Variants in DPP8 observed in about 807,000 individuals in gnomAD.
The protein encoded by DPP8 is dipeptidyl peptidase 8.
In DPP8, 31 loss-of-function variants were observed where a neutral mutation model predicts 107.5. The observed-to-expected ratio is 0.29, with a 90% confidence interval of 0.22 to 0.39. The LOEUF (loss-of-function observed/expected upper bound fraction) is 0.39, where lower values mean the gene tolerates loss of function less well. Ranked by LOEUF, DPP8 falls within the 10% of genes least tolerant of loss-of-function variation. The pLI, the probability that DPP8 is intolerant of heterozygous loss-of-function variation, is 1.00. For missense variants in DPP8, 842 were observed against 1,076.1 expected, an observed-to-expected ratio of 0.78 and a Z score of 3.04; for synonymous variants, 381 against 356.6, an observed-to-expected ratio of 1.07 and a Z score of -0.77.
chr15:65,487,131 T>C (rs2067518440), intron 7 of DPP8, among the ~76,000 whole-genome samples: 1 of 152,098 alleles, frequency 6.6e-6, no homozygotes, highest in Non-Finnish European at 1.5e-5. Flanking sequence ...TAAAAATCTG[T>C]ATTTGCTAGC....
chr15:65,469,798 T>C (rs932042420), intron 12 of DPP8, among the ~76,000 whole-genome samples: 2 of 151,878 alleles, frequency 1.3e-5, no homozygotes, highest in African/African-American at 2.4e-5. Flanking sequence ...ATCGTACCAC[T>C]GCACTCCAGC....
intron 2 of DPP8, among the ~76,000 whole-genome samples, chr15:65,511,405 T>TA (rs2070748556): frequency 6.6e-6 from 1 of 151,848 alleles, no homozygotes; most frequent in African/African-American, 2.4e-5. Context: ...GGCACAATTA[T>TA]ATAATGGAAT....
At chr15:65,454,549 T>G (rs540718279) in intron 16 of DPP8, 134 bp from the exon 17 acceptor site, 45 of 766,958 alleles carry the variant, frequency 5.9e-5, no homozygotes, top group Admixed American at 1.2e-4. Context: ...TTTTTTGAGA[T>G]GGAGTCTCAC....
chr15:65,478,326 T>C (rs918834670), intron 11 of DPP8, among the ~76,000 whole-genome samples: 7 of 152,248 alleles, frequency 4.6e-5, no homozygotes, highest in Admixed American at 3.3e-4. Context: ...TGGCGTGATC[T>C]TGGCTCACTG....
rs746154372 is a variant in DPP8 at position 65,480,325 on chromosome 15, G to A, written c.1193C>T (p.Pro398Leu). ...CCTTTCCATAACATCATCTTCTACTGGGATAAATAATTCAGGTGAGATCAA... is the reference window on the plus strand; with the variant it reads ...CCTTTCCATAACATCATCTTCTACTAGGATAAATAATTCAGGTGAGATCAA... ...IVLISPELFI[P>L]VEDDVMERQR... The change falls in exon 10 of 20, where the codon CCA becomes CTA. Residue 398 changes from proline to leucine, a missense_variant. By Grantham distance (98) the Pro-to-Leu change is moderately conservative (BLOSUM62 -3). Transcript: ENST00000300141. The A allele has an allele frequency of 1.5e-5, 24 of 1,612,224 alleles. No homozygotes were observed. The highest frequency in any genetic ancestry group is 1.9e-5 in the Non-Finnish European group (22 of 1,179,290).
intron 15 of DPP8, 38 bp downstream of exon 15, chr15:65,463,723 A>T: frequency 6.5e-7 from 1 of 1,527,040 alleles, no homozygotes; most frequent in Non-Finnish European, 9.0e-7. Context: ...ATACATATGC[A>T]TATGGGTGTA....
chr15:65,492,508 T>C (rs907508404), intron 5 of DPP8, among the ~76,000 whole-genome samples: 1 of 152,214 alleles, frequency 6.6e-6, no homozygotes, highest in Non-Finnish European at 1.5e-5. Flanking sequence ...ACTATCAAAG[T>C]ATGAAAGTTC....
intron 12 of DPP8, among the ~76,000 whole-genome samples, chr15:65,468,331 C>CA (rs938988367): frequency 4.0e-5 from 6 of 151,850 alleles, no homozygotes; most frequent in African/African-American, 9.7e-5. Flanking sequence ...CCCATTTCTA[C>CA]AAAAAATGAA....
Position 65,487,835 on chromosome 15 carries a change from A to G in DPP8, c.827-17T>C. ...CACTGGGAGCTTAAAAGAAATTTAA[A>G]TATTGAAAATTTAGAAGAATTATTC... On this transcript the variant is annotated splice_polypyrimidine_tract_variant and intron_variant, in intron 6 of 19. Transcript: ENST00000300141. 6.8e-7 allele frequency: 1 copy of G among 1,478,770 alleles called. No homozygotes were observed. The highest frequency in any genetic ancestry group is 9.3e-7 in the Non-Finnish European group (1 of 1,075,628). 91.6% of individuals were successfully genotyped at this position (1,478,770 alleles called of 1,614,324 possible).
chr15:65,480,782 A>G (rs2066853143), intron 9 of DPP8, among the ~76,000 whole-genome samples: 1 of 152,160 alleles, frequency 6.6e-6, no homozygotes, highest in Non-Finnish European at 1.5e-5. Flanking sequence ...TGGGTGACAC[A>G]GAGAGAGACC....
intron 10 of DPP8, 108 bp downstream of exon 10, chr15:65,480,114 G>C (rs2066777913): frequency 2.3e-6 from 2 of 867,042 alleles, no homozygotes; most frequent in East Asian, 5.3e-5. Context: ...GAAATAACAT[G>C]GTCCCTTTAA....
chr15:65,480,973 C>T (rs965038660), intron 9 of DPP8, among the ~76,000 whole-genome samples: 6 of 151,954 alleles, frequency 3.9e-5, no homozygotes, highest in East Asian at 3.9e-4. Context: ...GGCATGTCCC[C>T]GTAGTCCCAG....
chr15:65,472,493 G>A (rs2065977113), intron 12 of DPP8, among the ~76,000 whole-genome samples: 1 of 151,446 alleles, frequency 6.6e-6, no homozygotes, highest in African/African-American at 2.4e-5. Flanking sequence ...CAGAGACAGG[G>A]TCTTATATGT....
At chr15:65,456,196 T>TA (rs778608305) in intron 16 of DPP8, 29 bp downstream of exon 16, 4 of 1,598,110 alleles carry the variant, frequency 2.5e-6, no homozygotes, top group Non-Finnish European at 3.4e-6. Context: ...TAAATGTCTG[T>TA]AAAAGAAAAG....
intron 6 of DPP8, among the ~76,000 whole-genome samples, chr15:65,488,603 CAAAAAA>C (rs1166493197): frequency 6.6e-5 from 3 of 45,276 alleles, no homozygotes; most frequent in Admixed American, 3.2e-4. Context: ...GACCCTGCCT[CAAAAAA>C]AAAAAAAAAA....
chr15:65,489,413 C>CTTTTTT lies in DPP8; in HGVS notation c.826+770_826+775dup, dbSNP rs71924792. On this transcript the variant is annotated intron_variant, in intron 6 of 19. Transcript: ENST00000300141. ...CTTCATTATGATGAAATATAATCTA[C>CTTTTTT]TTTTTTTTTTTTTTTTTTGAGACAG... 7.4e-3 allele frequency among the ~76,000 whole-genome samples: 768 copies of CTTTTTT among 104,180 alleles called. 90 individuals are homozygous for CTTTTTT. The highest frequency in any genetic ancestry group is 0.018 in the African/African-American group (472 of 26,308). The allele number at this position is 104,180 out of a possible 152,430, so 68.3% of individuals were successfully genotyped here.
intron 15 of DPP8, among the ~76,000 whole-genome samples, chr15:65,459,187 T>C (rs2064705874): frequency 1.3e-5 from 2 of 151,266 alleles, no homozygotes; most frequent in African/African-American, 4.9e-5. Context: ...TTCTGTTTCT[T>C]CTCTTTTGAC....
intron 8 of DPP8, among the ~76,000 whole-genome samples, chr15:65,482,913 G>A (rs368710742): frequency 2.2e-4 from 33 of 151,440 alleles, no homozygotes; most frequent in South Asian, 1.3e-3. Context: ...TGGCTAACAC[G>A]GTGAAACCCT....
rs574197591 is a variant in DPP8, at chr15:65,480,633, A to T, written c.1119-234T>A. On this transcript the variant is annotated intron_variant, in intron 9 of 19. Transcript: ENST00000300141. ...TTTCCAAAACCATAGTTGGCCTGTG[A>T]AAGTGTTTTATCCCGGTAGGCTGGC... Among the ~76,000 whole-genome samples the T allele has an allele frequency of 2.4e-4, 36 of 152,316 alleles. No individual in the cohort carries two copies. The East Asian group carries it at 3.9e-3, about 16-fold the overall frequency.
Sources: gnomAD v4.1 joint callset for allele counts (sites outside exome capture counted in the v4.1 genomes callset) on GRCh38, gnomAD v4.1.1 for gene constraint, MANE v1.5 for transcripts, NCBI Gene and HGNC (gene_info 2026-07-23, HGNC 2026-07-21) for gene names.